Variants in MITF observed in about 807,000 individuals in gnomAD.
MITF encodes the protein melanocyte inducing transcription factor, also known as microphthalmia-associated transcription factor.
A neutral mutation model predicts 60.5 loss-of-function variants in MITF; 17 were observed. The ratio of observed to expected loss-of-function variants is 0.28; its 90% CI spans 0.19 to 0.42. MITF has a LOEUF of 0.42. Ranked by LOEUF, MITF falls within the 10% of genes least tolerant of loss-of-function variation. The pLI, the probability that MITF is intolerant of heterozygous loss-of-function variation, is 1.00. For missense variants in MITF, 622 were observed against 683.5 expected (o/e 0.91, Z 1.00); for synonymous variants, 260 against 248.5 (o/e 1.05, Z -0.43).
intron 1 of MITF, among the ~76,000 whole-genome samples, chr3:69,854,405 T>C (rs1001531211): frequency 1.1e-4 from 16 of 152,236 alleles, no homozygotes; most frequent in African/African-American, 3.9e-4. Flanking sequence ...ATATATCTTA[T>C]GTACATCCTT....
chr3:69,818,973 T>C (rs1265451704), intron 1 of MITF, among the ~76,000 whole-genome samples: 1 of 152,168 alleles, frequency 6.6e-6, no homozygotes, highest in Non-Finnish European at 1.5e-5. Flanking sequence ...GTGTTTAAAA[T>C]GAAAAGCAGT....
rs187584240 is a variant in MITF at position 69,951,537 on chromosome 3, G to C, written c.881-275G>C. Among the ~76,000 whole-genome samples, 769 of 151,958 alleles carry C rather than the reference G, an allele frequency of 5.1e-3. 5 individuals carry two copies. The highest frequency in any genetic ancestry group is 0.017 in the African/African-American group (703 of 41,428). On this transcript the variant is annotated intron_variant, in intron 6 of 9. Coordinates refer to ENST00000352241, the MANE Select transcript of MITF (RefSeq NM_001354604.2). The stretch of plus-strand genomic sequence containing the variant: ...ATCGATTTCTTTCTTGCTAGTATCT[G>C]TATATGTTTACAGTGTGCTATATAT...
intron 1 of MITF, among the ~76,000 whole-genome samples, chr3:69,765,777 G>A (rs1221496398): frequency 2.0e-5 from 3 of 152,166 alleles, no homozygotes; most frequent in African/African-American, 4.8e-5. Flanking sequence ...CTGAGGATAA[G>A]TTATGATTAT....
chr3:69,917,376 C>CTTTTTTTTTTTTT (rs3044646), intron 2 of MITF, among the ~76,000 whole-genome samples: 1 of 113,298 alleles, frequency 8.8e-6, no homozygotes, highest in African/African-American at 3.4e-5. Flanking sequence ...CAGTTGCCTC[C>CTTTTTTTTTTTTT]TTTTTTTTTT....
At chr3:69,964,229 C>T (rs181180205) in intron 9 of MITF, among the ~76,000 whole-genome samples, 27 of 152,046 alleles carry the variant, frequency 1.8e-4, no homozygotes, top group East Asian at 3.9e-4. Context: ...CCGCCCCCCT[C>T]GGCCTCCCAA....
intron 2 of MITF, among the ~76,000 whole-genome samples, chr3:69,927,708 A>G (rs2065625675): frequency 6.6e-6 from 1 of 152,158 alleles, no homozygotes; most frequent in Non-Finnish European, 1.5e-5. Flanking sequence ...GTTTGGAGCC[A>G]GTTTTGGTTG....
intron 1 of MITF, among the ~76,000 whole-genome samples, chr3:69,857,521 A>T (rs1021022961): frequency 8.6e-5 from 13 of 150,856 alleles, no homozygotes; most frequent in African/African-American, 3.2e-4. Context: ...ACGTGATCTC[A>T]TGGTTTTTTT....
rs1460020975 is a variant in MITF, at chr3:69,965,533, C to T, written c.*285C>T. The T allele has an allele frequency of 1.4e-5, 4 of 293,542 alleles. No individual in the cohort carries two copies. The highest frequency in any genetic ancestry group is 2.1e-5 in the African/African-American group (1 of 47,016). 18.2% of individuals were successfully genotyped at this position (293,542 alleles called of 1,614,324 possible). A position where few individuals can be genotyped will look rare whatever the true frequency, so the allele number is the denominator to read the frequency against. The stretch of plus-strand genomic sequence containing the variant: ...TAGCTTTCTGAGCAAGAGGATTTTG[C>T]GTCAGAGAAATGTCTGTCCATTTTT... On this transcript the variant is annotated 3_prime_UTR_variant, in exon 10 of 10. Transcript: ENST00000352241.
intron 1 of MITF, among the ~76,000 whole-genome samples, chr3:69,828,396 A>G (rs554381494): frequency 2.6e-5 from 4 of 152,280 alleles, no homozygotes; most frequent in Admixed American, 1.3e-4. Context: ...TTTATAGGTG[A>G]TATCTAATCA....
chr3:69,938,582 A>G (rs997233883), intron 3 of MITF: 5 of 1,384,108 alleles, frequency 3.6e-6, no homozygotes, highest in Middle Eastern at 2.6e-4. Context: ...TAATTGCTGG[A>G]TACATTCTGT....
At chr3:69,941,024 A>G (rs2065956438) in intron 4 of MITF, among the ~76,000 whole-genome samples, 1 of 152,318 alleles carries the variant, frequency 6.6e-6, no homozygotes, top group South Asian at 2.1e-4. Flanking sequence ...AATGCTGGCT[A>G]CAAGTATTAT....
At chr3:69,932,439 A>G (rs1575992374) in intron 2 of MITF, among the ~76,000 whole-genome samples, 1 of 152,154 alleles carries the variant, frequency 6.6e-6, no homozygotes, top group Non-Finnish European at 1.5e-5. Context: ...TAGACCATAC[A>G]GGCAGCAGAC....
chr3:69,917,379 T>TG (rs2065359094), intron 2 of MITF, among the ~76,000 whole-genome samples: 1 of 149,400 alleles, frequency 6.7e-6, no homozygotes, highest in African/African-American at 2.5e-5. Flanking sequence ...TTGCCTCCTT[T>TG]TTTTTTTTTT....
intron 1 of MITF, among the ~76,000 whole-genome samples, chr3:69,762,273 G>T (rs934767312): frequency 1.3e-5 from 2 of 152,172 alleles, no homozygotes; most frequent in African/African-American, 4.8e-5. Flanking sequence ...TTCTATCAGT[G>T]ATGAGTTAGA....
At chr3:69,746,939 C>T (rs111999475) in intron 1 of MITF, among the ~76,000 whole-genome samples, 1 of 152,228 alleles carries the variant, frequency 6.6e-6, no homozygotes, top group East Asian at 1.9e-4. Context: ...CCCATTTCTA[C>T]AATGTGGCTT....
chr3:69,929,552 A>T (rs937622642), intron 2 of MITF, among the ~76,000 whole-genome samples: 1 of 152,126 alleles, frequency 6.6e-6, no homozygotes, highest in Non-Finnish European at 1.5e-5. Context: ...CACTGTGAAT[A>T]GCATTGATGT....
chr3:69,776,745 T>C (rs2062480004), intron 1 of MITF, among the ~76,000 whole-genome samples: 1 of 152,110 alleles, frequency 6.6e-6, no homozygotes, highest in Non-Finnish European at 1.5e-5. Context: ...GAGAAATCGG[T>C]GAGATAATGC....
intron 1 of MITF, among the ~76,000 whole-genome samples, chr3:69,839,281 G>C (rs968509455): frequency 4.0e-5 from 6 of 151,490 alleles, no homozygotes; most frequent in Non-Finnish European, 5.9e-5. Flanking sequence ...GAGCTTTGTA[G>C]TGATCTCTGA....
chr3:69,773,793 C>T (rs185777753), intron 1 of MITF, among the ~76,000 whole-genome samples: 20 of 152,278 alleles, frequency 1.3e-4, no homozygotes, highest in African/African-American at 4.6e-4. Context: ...TGCTTGAAGG[C>T]TAAATGGTAA....
Sources: allele counts gnomAD v4.1 joint callset (sites outside exome capture counted in the v4.1 genomes callset), GRCh38; gene constraint gnomAD v4.1.1; transcripts MANE v1.5; gene names NCBI Gene and HGNC (gene_info 2026-07-23, HGNC 2026-07-21).